Variants in MYH13 observed in about 807,000 individuals in gnomAD.
MYH13 encodes myosin-13.
MYH13 carries 177 observed loss-of-function variants against 232.1 expected under a neutral mutation model. That is an observed-to-expected ratio of 0.76 (90% confidence interval 0.67 to 0.86). The LOEUF (loss-of-function observed/expected upper bound fraction) is 0.86, where lower values mean the gene tolerates loss of function less well. MYH13 is among the 40% of genes least tolerant of loss of function. The probability of loss-of-function intolerance (pLI) is 0.00; values close to 1 mark genes in which losing one functional copy is unlikely to be tolerated. For missense variants in MYH13, 2,246 were observed against 2,405.9 expected, an observed-to-expected ratio of 0.93 and a Z score of 1.39; for synonymous variants, 884 against 923.5, an observed-to-expected ratio of 0.96 and a Z score of 0.78.
chr17:10,303,549 TCTCATGGA>T (rs1019107240), intron 37 of MYH13, 51 bp from the exon 38 acceptor site: 165 of 1,496,886 alleles, frequency 1.1e-4, no homozygotes, highest in Non-Finnish European at 1.3e-4. Context: ...CCCAGGCTTC[TCTCATGGA>T]CTCATGGGCC....
chr17:10,303,995 A>G (rs1326382506), intron 37 of MYH13, among the ~76,000 whole-genome samples: 1 of 152,190 alleles, frequency 6.6e-6, no homozygotes, highest in East Asian at 1.9e-4. Flanking sequence ...GCTGGAAACC[A>G]TCATTCTCAG....
Position 10,304,753 on chromosome 17 carries a change from A to C in MYH13, c.5467-1255T>G, listed in dbSNP as rs778093720. ...TGTGGAGATCAAATGAAAGTATGTG[A>C]AAGTATTGTTAGAATGACAAAGCAC... On this transcript the variant is annotated intron_variant, in intron 37 of 40. Transcript: ENST00000252172. The surrounding 1 kb of genome is among the most constrained non-coding windows in gnomAD (Gnocchi z 5.3). Among the ~76,000 whole-genome samples, 14 of 152,212 alleles carry C rather than the reference A, an allele frequency of 9.2e-5. No individual in the cohort carries two copies. The highest frequency in any genetic ancestry group is 2.1e-4 in the Non-Finnish European group (14 of 68,034).
At chr17:10,331,431 C>T (rs1316201376) in intron 20 of MYH13, among the ~76,000 whole-genome samples, 1 of 152,198 alleles carries the variant, frequency 6.6e-6, no homozygotes, top group Non-Finnish European at 1.5e-5. Context: ...GAGTAAGTTT[C>T]TCGACCTCCC....
chr17:10,312,827 G>T, intron 30 of MYH13, 70 bp from the exon 31 acceptor site: 1 of 1,480,900 alleles, frequency 6.8e-7, no homozygotes. Flanking sequence ...TGTCAGATGG[G>T]AAGAGAAATG....
intron 40 of MYH13, 82 bp from the exon 41 acceptor site, chr17:10,301,047 G>T: frequency 8.1e-7 from 1 of 1,241,142 alleles, no homozygotes; most frequent in Non-Finnish European, 1.2e-6. Context: ...TGAAGCAGCT[G>T]GAAAATCTGG....
intron 1 of MYH13, among the ~76,000 whole-genome samples, chr17:10,372,193 A>T (rs1362127334): frequency 6.6e-6 from 1 of 152,224 alleles, no homozygotes; most frequent in Non-Finnish European, 1.5e-5. Flanking sequence ...CTATATTCTG[A>T]ATCCTCAATT....
rs1053320694 is a variant in MYH13 at position 10,364,643 on chromosome 17, C to T, written c.-12-101G>A. 10 of 1,037,138 alleles carry T rather than the reference C, an allele frequency of 9.6e-6. No homozygotes were observed. In the African/African-American group the frequency reaches 1.6e-4, roughly 17 times the overall value. The allele number at this position is 1,037,138 out of a possible 1,614,324, so 64.2% of individuals were successfully genotyped here. On this transcript the variant is annotated intron_variant, in intron 2 of 40. Coordinates refer to ENST00000252172, the MANE Select transcript of MYH13 (RefSeq NM_003802.3). Reference sequence around the variant, plus strand: ...ATTAAAACGGGGCCAGATTCAAAGGCTCCTAGATTGAACATAGGTCCTGAG... The same window carrying T: ...ATTAAAACGGGGCCAGATTCAAAGGTTCCTAGATTGAACATAGGTCCTGAG...
At chr17:10,342,426 C>A (rs1375283228) in intron 16 of MYH13, among the ~76,000 whole-genome samples, 1 of 152,000 alleles carries the variant, frequency 6.6e-6, no homozygotes, top group Non-Finnish European at 1.5e-5. Flanking sequence ...ATCATATGAC[C>A]CAGCAACTCT....
chr17:10,359,882 T>C (rs1356858033), intron 7 of MYH13, 78 bp downstream of exon 7: 2 of 1,317,268 alleles, frequency 1.5e-6, no homozygotes, highest in Non-Finnish European at 2.2e-6. Context: ...GCGCATACCC[T>C]GCATACACTT....
intron 2 of MYH13, 54 bp downstream of exon 2, chr17:10,371,155 A>G (rs147766758): frequency 6.6e-6 from 1 of 152,300 alleles, no homozygotes; most frequent in East Asian, 1.9e-4. Context: ...GTGTAAAATG[A>G]TGTTTGCTAA....
chr17:10,357,664 T>C, intron 8 of MYH13, 71 bp downstream of exon 8: 1 of 1,453,908 alleles, frequency 6.9e-7, no homozygotes, highest in Non-Finnish European at 9.6e-7. Flanking sequence ...TATGGGGCAG[T>C]TTTTCATATC....
chr17:10,331,076 C>A (rs1907394252), intron 20 of MYH13, among the ~76,000 whole-genome samples: 1 of 152,076 alleles, frequency 6.6e-6, no homozygotes, highest in Non-Finnish European at 1.5e-5. Flanking sequence ...GTGTTCCAGG[C>A]CCCACCAACC....
Position 10,344,048 on chromosome 17 carries a change from G to T in MYH13, c.1646C>A (p.Ser549Tyr), listed in dbSNP as rs754891622. Residue 549 changes from serine to tyrosine, a missense_variant, in exon 16 of 41, where the codon TCC becomes TAC. Physicochemically the swap from Ser to Tyr is moderately radical, Grantham distance 144. Transcript: ENST00000252172. ...ECMFPKATDT[S>Y]FKNKLYDQHL... ...CTGGTCATACAGCTTGTTCTTGAAG[G>T]AGGTGTCTGTTGCCTTGGGGAACAT... 1 of 1,614,190 alleles carries T rather than the reference G, an allele frequency of 6.2e-7. No homozygotes were observed. The highest frequency in any genetic ancestry group is 8.5e-7 in the Non-Finnish European group (1 of 1,180,040).
At chr17:10,329,163 G>A (rs1429499274) in intron 21 of MYH13, among the ~76,000 whole-genome samples, 1 of 152,102 alleles carries the variant, frequency 6.6e-6, no homozygotes, top group East Asian at 1.9e-4. Flanking sequence ...CGATGCCTGG[G>A]AGTGATTCCT....
At chr17:10,342,027 A>G (rs2071622810) in intron 16 of MYH13, among the ~76,000 whole-genome samples, 1 of 152,124 alleles carries the variant, frequency 6.6e-6, no homozygotes, top group Non-Finnish European at 1.5e-5. Flanking sequence ...GTAATCTTAA[A>G]AAGTGTTACT....
In MYH13 at chr17:10,360,010, T is replaced by A. The variant is rs369031834; in HGVS notation, c.595A>T (p.Ile199Phe). ...TKRVIQYFATIAVTGDKKKET... is the reference protein window; with the variant it reads ...TKRVIQYFATFAVTGDKKKET... ...TTCTTCTTGTCCCCGGTAACTGCAA[T>A]TGTTGCAAAATACTGGATGACACGC... The change falls in exon 7 of 41, where the codon ATT becomes TTT. Residue 199 changes from isoleucine (I) to phenylalanine (F), a missense_variant. Physicochemically the swap from Ile to Phe is conservative, Grantham distance 21. Coordinates refer to ENST00000252172, the MANE Select transcript of MYH13 (RefSeq NM_003802.3). The A allele has an allele frequency of 6.2e-7, 1 of 1,614,078 alleles. No homozygotes were observed. Among genetic ancestry groups the A allele is most frequent in the South Asian group, 1.1e-5 (1 of 91,070 alleles).
In MYH13 at chr17:10,340,171, G is replaced by A. The variant is rs546689863; in HGVS notation, c.2035C>T (p.Pro679Ser). The A allele has an allele frequency of 6.2e-6, 10 of 1,613,570 alleles. No individual in the cohort carries two copies. The South Asian group carries it at 9.9e-5, about 16-fold the overall frequency. ...THPHFVRCLI[P>S]NETKTPGVMD... ...TCACCAGGAGTCTTGGTCTCATTGG[G>A]AATCAGACATCGTACAAAGTGAGGG... The change falls in exon 18 of 41, where the codon CCC becomes TCC. Residue 679 changes from proline to serine, a missense_variant. Coordinates refer to ENST00000252172, the MANE Select transcript of MYH13 (RefSeq NM_003802.3).
chr17:10,368,946 T>A (rs993704539), intron 2 of MYH13, among the ~76,000 whole-genome samples: 12 of 152,206 alleles, frequency 7.9e-5, no homozygotes, highest in African/African-American at 2.9e-4. Flanking sequence ...TTTGATAAGG[T>A]CCTCAGAGAG....
intron 22 of MYH13, among the ~76,000 whole-genome samples, chr17:10,326,999 T>TG: frequency 2.8e-5 from 1 of 35,850 alleles, no homozygotes; most frequent in Admixed American, 3.3e-4. Flanking sequence ...TTTTTTTTTT[T>TG]TTTTTTTTTT....
Sources: allele counts gnomAD v4.1 joint callset (sites outside exome capture counted in the v4.1 genomes callset), GRCh38; gene constraint gnomAD v4.1.1; non-coding constraint Gnocchi (gnomAD v3.1); transcripts MANE v1.5; gene names NCBI Gene and HGNC (gene_info 2026-07-23, HGNC 2026-07-21).